MMP27: variants seen among roughly 807,000 people sequenced by gnomAD.
MMP27 encodes the protein matrix metallopeptidase 27, also known as matrix metalloproteinase-27.
Under a neutral mutation model 48.1 loss-of-function variants are expected in MMP27, and 51 were observed. The observed-to-expected ratio is 1.06, with a 90% CI of 0.85 to 1.34. The LOEUF is 1.34. Among genes scored for constraint, MMP27 ranks in the 40% most tolerant of loss-of-function variants. The pLI, the probability that MMP27 is intolerant of heterozygous loss-of-function variation, is 0.00. For missense variants in MMP27, 698 were observed against 619.3 expected (o/e 1.13, Z -1.35); for synonymous variants, 229 against 208.9 (o/e 1.10, Z -0.83).
intron 7 of MMP27, 151 bp from the exon 8 acceptor site, chr11:102,694,216 G>T: frequency 2.0e-6 from 1 of 496,640 alleles, no homozygotes; most frequent in Non-Finnish European, 3.4e-6. Flanking sequence ...ACTTTCTTTA[G>T]CTGCTCATAT....
Position 102,698,867 on chromosome 11 carries a change from G to A in MMP27, c.620-2032C>T, listed in dbSNP as rs917568424. Reference sequence around the variant, plus strand: ...TCCCTCCAGGTCTTATCCAGGTTGAGTTAAATGCATGGCTCCAGCTTCCAC... The same window carrying A: ...TCCCTCCAGGTCTTATCCAGGTTGAATTAAATGCATGGCTCCAGCTTCCAC... On this transcript the variant is annotated intron_variant, in intron 4 of 9. Transcript: ENST00000260229. Among the ~76,000 whole-genome samples, 49 of 152,132 alleles carry A rather than the reference G, an allele frequency of 3.2e-4. 1 individual carries two copies. The highest frequency in any genetic ancestry group is 1.2e-3 in the African/African-American group (49 of 41,418).
At chr11:102,702,003 A>C (rs186555175) in intron 4 of MMP27, among the ~76,000 whole-genome samples, 1 of 152,342 alleles carries the variant, frequency 6.6e-6, no homozygotes, top group East Asian at 1.9e-4. Flanking sequence ...TGACAGAACA[A>C]AAGAATGGGG....
Position 102,695,001 on chromosome 11 carries a change from G to C in MMP27, c.999C>G (p.Tyr333Ter), listed in dbSNP as rs1940042. 1 of 1,613,794 alleles carries C rather than the reference G, an allele frequency of 6.2e-7. No individual in the cohort carries two copies. Among genetic ancestry groups the C allele is most frequent in the African/African-American group, 1.3e-5 (1 of 74,858 alleles). The change falls in exon 7 of 10, where the codon TAC becomes TAG. Residue 333 changes from tyrosine (Y) to a stop codon, truncating the protein, a stop_gained. Coordinates refer to ENST00000260229, the MANE Select transcript of MMP27 (RefSeq NM_022122.3). LOFTEE classifies it high-confidence loss of function. ...CCAGAATCTTATCTCTGGGGTTCTC[G>C]TATGCAGCTTGCAGATCAGCTGGCA... ...PSLPADLQAA[Y>*]ENPRDKILVF...
chr11:102,704,728 A>G lies in MMP27; in HGVS notation c.150T>C (p.Leu50=), dbSNP rs145299242. The change falls in exon 2 of 10, where the codon CTT becomes CTC. Residue 50 remains leucine, a synonymous_variant. Coordinates refer to ENST00000260229, the MANE Select transcript of MMP27 (RefSeq NM_022122.3). ...TGAGACTCCTATTCTTGCTTTGAAC[A>G]AGATGATTCCCTTCTATTTCAAGAG... ...FYSLEIEGNH[L]VQSKNRSLID... 6,970 of 1,613,814 alleles carry G rather than the reference A, an allele frequency of 4.3e-3. 16 individuals are homozygous for G. The highest frequency in any genetic ancestry group is 5.6e-3 in the Middle Eastern group (34 of 6,060).
In MMP27 at chr11:102,692,954, A is replaced by G. The variant is rs1860752044; in HGVS notation, c.1281T>C (p.Ala427=). The part of the protein sequence containing the change: ...HFPGISIRVD[A]AFQYKGFFFF... ...CATGCTTACCTTTGTACTGGAAAGC[A>G]GCATCAACACGGATACTGATTCCAG... is the stretch of plus-strand genomic sequence containing the variant. The change falls in exon 9 of 10, where the codon GCT becomes GCC. Residue 427 remains alanine, a synonymous_variant. Coordinates refer to ENST00000260229, the MANE Select transcript of MMP27 (RefSeq NM_022122.3). 1 of 1,613,556 alleles carries G rather than the reference A, an allele frequency of 6.2e-7. No homozygotes were observed. The highest frequency in any genetic ancestry group is 8.5e-7 in the Non-Finnish European group (1 of 1,179,524).
At chr11:102,700,574 T>C (rs931134615) in intron 4 of MMP27, among the ~76,000 whole-genome samples, 2 of 152,190 alleles carry the variant, frequency 1.3e-5, no homozygotes, top group Non-Finnish European at 2.9e-5. Flanking sequence ...GGCAAAGAAA[T>C]AGAGAGTAAG....
At chr11:102,694,470 C>A (rs985202363) in intron 7 of MMP27, among the ~76,000 whole-genome samples, 2 of 152,080 alleles carry the variant, frequency 1.3e-5, no homozygotes, top group Admixed American at 6.6e-5. Context: ...CCCCCAAGTG[C>A]TCTCAAAGGC....
chr11:102,704,755 G>C lies in MMP27; in HGVS notation c.123C>G (p.Tyr41Ter). The change falls in exon 2 of 10, where the codon TAC (tyrosine) becomes TAG (stop). Residue 41 changes from tyrosine (Y) to a stop codon, truncating the protein, a stop_gained. Coordinates refer to ENST00000260229, the MANE Select transcript of MMP27 (RefSeq NM_022122.3). LOFTEE classifies it high-confidence loss of function. ...QLAQAYLNQFYSLEIEGNHLV... is the reference protein window; with the variant it reads ...QLAQAYLNQF ...GATGATTCCCTTCTATTTCAAGAGA[G>C]TAGAACTGGTTGAGATATGCCTGAC... 6.2e-7 allele frequency: 1 copy of C among 1,608,320 alleles called. No individual in the cohort carries two copies. The highest frequency in any genetic ancestry group is 8.5e-7 in the Non-Finnish European group (1 of 1,175,962).
rs576466551 is a variant in MMP27 at position 102,693,434 on chromosome 11, A to C, written c.1194-393T>G. On this transcript the variant is annotated intron_variant, in intron 8 of 9. Coordinates refer to ENST00000260229, the MANE Select transcript of MMP27 (RefSeq NM_022122.3). The stretch of plus-strand genomic sequence containing the variant: ...AAATTGAAGGAAAGTCATTAGACTC[A>C]TTGAGATCTCTTTCGGCTTGATAAA... 1.2e-3 allele frequency among the ~76,000 whole-genome samples: 182 copies of C among 152,236 alleles called. 1 individual carries two copies. The highest frequency in any genetic ancestry group is 1.4e-3 in the Non-Finnish European group (96 of 68,030).
At position 102,703,039 on chromosome 11, in the gene MMP27, C is replaced by A; in HGVS notation, c.421G>T (p.Val141Phe). 6.2e-7 allele frequency: 1 copy of A among 1,614,100 alleles called. No homozygotes were observed. Among genetic ancestry groups the A allele is most frequent in the Non-Finnish European group, 8.5e-7 (1 of 1,179,940 alleles). The change falls in exon 3 of 10, where the codon GTC becomes TTC. Residue 141 changes from valine (V) to phenylalanine (F), a missense_variant. Val to Phe is a conservative substitution (Grantham distance 50). Transcript: ENST00000260229. ...IQEGLEVWSK[V>F]TPLKFTKISK... The stretch of plus-strand genomic sequence containing the variant: ...ATCTTGGTGAATTTTAGTGGAGTGA[C>A]TTTGCTCCACACTTCTAAACCTTCT...
At chr11:102,693,193 G>T (rs1860757765) in intron 8 of MMP27, 152 bp from the exon 9 acceptor site, 1 of 568,092 alleles carries the variant, frequency 1.8e-6, no homozygotes. Context: ...ATACAGTAAA[G>T]ATTATGTTTG....
In MMP27 at chr11:102,704,680, C is replaced by T. The variant is rs1861012310; in HGVS notation, c.198G>A (p.Met66Ile). 6.2e-7 allele frequency: 1 copy of T among 1,613,982 alleles called. No individual in the cohort carries two copies. Among genetic ancestry groups the T allele is most frequent in the Non-Finnish European group, 8.5e-7 (1 of 1,179,962 alleles). Residue 66 changes from methionine (M) to isoleucine (I), a missense_variant, in exon 2 of 10, where the codon ATG (methionine) becomes ATA (isoleucine). Coordinates refer to ENST00000260229, the MANE Select transcript of MMP27 (RefSeq NM_022122.3). ...TCACTGTCAATCCAAAAAATGCTTG[C>T]ATTTCCCGAATTTTGTCATCTATGA... The part of the protein sequence containing the change: ...RSLIDDKIRE[M>I]QAFFGLTVTG...
At position 102,696,960 on chromosome 11, in the gene MMP27, T is replaced by G. The variant is rs1346160340; in HGVS notation, c.620-125A>C. The G allele has an allele frequency of 2.3e-5, 22 of 949,370 alleles. No homozygotes were observed. The Admixed American group carries it at 5.4e-4, about 23-fold the overall frequency. The allele number at this position is 949,370 out of a possible 1,614,324, so 58.8% of individuals were successfully genotyped here. ...TGCTATACAGCAGATAATTCTCATA[T>G]GTACCACCATTTATCTGGGAGGTAT... is the stretch of plus-strand genomic sequence containing the variant. On this transcript the variant is annotated intron_variant, in intron 4 of 9. Coordinates refer to ENST00000260229, the MANE Select transcript of MMP27 (RefSeq NM_022122.3).
intron 2 of MMP27, among the ~76,000 whole-genome samples, chr11:102,703,572 G>C (rs1010343808): frequency 6.6e-6 from 1 of 152,038 alleles, no homozygotes; most frequent in Non-Finnish European, 1.5e-5. Context: ...CCCCAGGCTG[G>C]AGTGCAGTGG....
intron 8 of MMP27, among the ~76,000 whole-genome samples, chr11:102,693,359 GC>G (rs1860760464): frequency 6.6e-6 from 1 of 152,054 alleles, no homozygotes; most frequent in Non-Finnish European, 1.5e-5. Context: ...TGTGTCATTG[GC>G]AATTTGGTTG....
At chr11:102,697,470 A>G (rs1940479) in intron 4 of MMP27, among the ~76,000 whole-genome samples, 11,348 of 152,202 alleles carry the variant, frequency 0.075, 482 homozygotes, top group Non-Finnish European at 0.083. Context: ...TTTTTCTTCA[A>G]TAATAAATTA....
intron 4 of MMP27, among the ~76,000 whole-genome samples, chr11:102,701,355 T>C (rs1350476715): frequency 6.6e-6 from 1 of 152,158 alleles, no homozygotes; most frequent in Non-Finnish European, 1.5e-5. Context: ...TAAAGCAGTA[T>C]GGGTAAGAGG....
chr11:102,694,977 C>T lies in MMP27; in HGVS notation c.1023G>A (p.Leu341=). 1.2e-6 allele frequency: 2 copies of T among 1,613,786 alleles called. No individual in the cohort carries two copies. The highest frequency in any genetic ancestry group is 1.7e-6 in the Non-Finnish European group (2 of 1,179,856). ...GATGGGCCAGGTTACCTTTAAAAAC[C>T]AGAATCTTATCTCTGGGGTTCTCGT... The part of the protein sequence containing the change: ...AAYENPRDKI[L]VFKDENFWMI... Residue 341 remains leucine, a synonymous_variant, in exon 7 of 10, where the codon CTG becomes CTA. Coordinates refer to ENST00000260229, the MANE Select transcript of MMP27 (RefSeq NM_022122.3).
chr11:102,700,110 G>C (rs1591660542), intron 4 of MMP27, among the ~76,000 whole-genome samples: 1 of 152,238 alleles, frequency 6.6e-6, no homozygotes, highest in Admixed American at 6.5e-5. Context: ...CTGGAGGGCA[G>C]CTTCTGTGTC....
Sources: allele counts gnomAD v4.1 joint callset (sites outside exome capture counted in the v4.1 genomes callset), GRCh38; gene constraint gnomAD v4.1.1; transcripts MANE v1.5; gene names NCBI Gene and HGNC (gene_info 2026-07-23, HGNC 2026-07-21).